SPHKAP: variants seen among roughly 807,000 people sequenced by gnomAD.
SPHKAP encodes the protein SPHK1 interactor, AKAP domain containing.
Under a neutral mutation model 137.5 loss-of-function variants are expected in SPHKAP, and 67 were observed. The observed-to-expected ratio is 0.49, with a 90% CI of 0.40 to 0.60. The LOEUF (loss-of-function observed/expected upper bound fraction) is 0.60, where lower values mean the gene tolerates loss of function less well. SPHKAP is among the 20% of genes least tolerant of loss of function. SPHKAP has a pLI of 0.00. For synonymous variants in SPHKAP, 813 were observed against 785.3 expected (o/e 1.04, Z -0.59); for missense variants, 2,097 against 2,069.3 (o/e 1.01, Z -0.26).
At chr2:228,009,949 T>C (rs2106195904) in intron 7 of SPHKAP, among the ~76,000 whole-genome samples, 1 of 152,302 alleles carries the variant, frequency 6.6e-6, no homozygotes, top group South Asian at 2.1e-4. Context: ...CATGGGGCTG[T>C]ACCTATAGAT....
intron 2 of SPHKAP, among the ~76,000 whole-genome samples, chr2:228,124,414 T>A (rs1490270991): frequency 6.6e-6 from 1 of 151,956 alleles, no homozygotes; most frequent in Non-Finnish European, 1.5e-5. Context: ...TAAAAAATGA[T>A]GAGTTCATGT....
chr2:228,144,921 T>C (rs1162288273), intron 1 of SPHKAP, among the ~76,000 whole-genome samples: 1 of 152,192 alleles, frequency 6.6e-6, no homozygotes, highest in Non-Finnish European at 1.5e-5. Context: ...AAGCCAAAGA[T>C]AACATCCCAC....
intron 3 of SPHKAP, among the ~76,000 whole-genome samples, chr2:228,048,457 A>G (rs573025921): frequency 3.3e-5 from 5 of 152,242 alleles, no homozygotes; most frequent in African/African-American, 1.2e-4. Context: ...CTTGACCTCT[A>G]AATTCTCTTC....
At chr2:228,052,299 G>A (rs533139287) in intron 3 of SPHKAP, among the ~76,000 whole-genome samples, 1 of 152,170 alleles carries the variant, frequency 6.6e-6, no homozygotes, top group East Asian at 1.9e-4. Flanking sequence ...AAATAGAGGG[G>A]ACAGAATGAA....
chr2:228,164,590 G>A (rs1574911624), intron 1 of SPHKAP, among the ~76,000 whole-genome samples: 1 of 152,284 alleles, frequency 6.6e-6, no homozygotes, highest in East Asian at 1.9e-4. Context: ...AGGGCTTCCA[G>A]CCACCTCTAC....
intron 1 of SPHKAP, among the ~76,000 whole-genome samples, chr2:228,162,324 G>T (rs181558444): frequency 6.6e-6 from 1 of 152,184 alleles, no homozygotes; most frequent in South Asian, 2.1e-4. Context: ...TTTATTAATA[G>T]TTAAATTTCA....
At chr2:227,985,245 T>C (rs757322926) in intron 11 of SPHKAP, among the ~76,000 whole-genome samples, 2 of 152,158 alleles carry the variant, frequency 1.3e-5, no homozygotes, top group Non-Finnish European at 2.9e-5. Flanking sequence ...TTAAAAATGG[T>C]CTGGCCCCAC....
Position 228,110,547 on chromosome 2 carries a change from A to G in SPHKAP, c.139-1608T>C, listed in dbSNP as rs528509867. Among the ~76,000 whole-genome samples, 42 of 152,316 alleles carry G rather than the reference A, an allele frequency of 2.8e-4. No homozygotes were observed. In the South Asian group the frequency reaches 8.5e-3, roughly 31 times the overall value. ...TTTTACCTAAACTGGTTCTTAAAGCATGGGCTAGGACCTATCAGGGTCCCT... is the reference window on the plus strand; with the variant it reads ...TTTTACCTAAACTGGTTCTTAAAGCGTGGGCTAGGACCTATCAGGGTCCCT... On this transcript the variant is annotated intron_variant, in intron 2 of 11. Coordinates refer to ENST00000392056, the MANE Select transcript of SPHKAP (RefSeq NM_001142644.2).
intron 3 of SPHKAP, among the ~76,000 whole-genome samples, chr2:228,032,373 G>A (rs1372595080): frequency 6.6e-6 from 1 of 152,114 alleles, no homozygotes; most frequent in Non-Finnish European, 1.5e-5. Flanking sequence ...AAGAAATATG[G>A]CATTATGTGA....
chr2:228,066,856 T>C (rs1696841967), intron 3 of SPHKAP, among the ~76,000 whole-genome samples: 1 of 152,254 alleles, frequency 6.6e-6, no homozygotes. Context: ...AGCATTCATT[T>C]AAACTAAGCT....
chr2:228,098,861 T>C (rs1052326823), intron 3 of SPHKAP, among the ~76,000 whole-genome samples: 3 of 152,158 alleles, frequency 2.0e-5, no homozygotes, highest in Non-Finnish European at 4.4e-5. Flanking sequence ...TTTGCTTGTT[T>C]ACTTTTTAAT....
In SPHKAP at chr2:228,108,834, A is replaced by G. The variant is rs1184336101; in HGVS notation, c.244T>C (p.Ser82Pro). 1.2e-6 allele frequency: 2 copies of G among 1,605,250 alleles called. No individual in the cohort carries two copies. Among genetic ancestry groups the G allele is most frequent in the Non-Finnish European group, 1.7e-6 (2 of 1,176,770 alleles). Residue 82 changes from serine to proline, a missense_variant and splice_region_variant, in exon 3 of 12, where the codon TCT (serine) becomes CCT (proline). Ser to Pro is a moderately conservative substitution (Grantham distance 74). Coordinates refer to ENST00000392056, the MANE Select transcript of SPHKAP (RefSeq NM_001142644.2). ...TCCCAAGAATTCTGTGTACTTACAGAAGCACAGTTTTCAGACTTGTCTTCT... is the reference window on the plus strand; with the variant it reads ...TCCCAAGAATTCTGTGTACTTACAGGAGCACAGTTTTCAGACTTGTCTTCT... The part of the protein sequence containing the change: ...FVEDKSENCA[S>P]VCFVNLDVNK...
chr2:228,173,849 A>G (rs1700657570), intron 1 of SPHKAP, among the ~76,000 whole-genome samples: 1 of 152,238 alleles, frequency 6.6e-6, no homozygotes, highest in Non-Finnish European at 1.5e-5. Context: ...TTGTACTTCA[A>G]AAACCATGGC....
intron 3 of SPHKAP, among the ~76,000 whole-genome samples, chr2:228,077,795 A>T (rs113034886): frequency 0.01 from 1,542 of 152,244 alleles, 31 homozygotes; most frequent in African/African-American, 0.035. Context: ...TGAGGACATG[A>T]GATTTAGGAA....
At chr2:228,179,053 T>C (rs776163940) in intron 1 of SPHKAP, among the ~76,000 whole-genome samples, 73 of 152,260 alleles carry the variant, frequency 4.8e-4, no homozygotes, top group Middle Eastern at 6.8e-3. Flanking sequence ...TGTGTTTAAT[T>C]GAAAATTCTA....
At chr2:228,172,082 T>C (rs989461719) in intron 1 of SPHKAP, among the ~76,000 whole-genome samples, 6 of 152,298 alleles carry the variant, frequency 3.9e-5, no homozygotes, top group African/African-American at 1.4e-4. Context: ...TATTTAAGAA[T>C]GTATAATATA....
chr2:228,145,381 T>A (rs1699744180), intron 1 of SPHKAP, among the ~76,000 whole-genome samples: 1 of 152,230 alleles, frequency 6.6e-6, no homozygotes, highest in African/African-American at 2.4e-5. Flanking sequence ...TTATGGGGAC[T>A]ATTTAGAAAA....
chr2:228,122,693 T>G (rs1053439567), intron 2 of SPHKAP, among the ~76,000 whole-genome samples: 1 of 152,348 alleles, frequency 6.6e-6, no homozygotes, highest in East Asian at 1.9e-4. Context: ...CTTGACCTGC[T>G]TTTGCTGAAG....
chr2:228,021,893 A>C lies in SPHKAP; in HGVS notation c.515T>G (p.Ile172Ser). 1 of 1,614,188 alleles carries C rather than the reference A, an allele frequency of 6.2e-7. No homozygotes were observed. Among genetic ancestry groups the C allele is most frequent in the African/African-American group, 1.3e-5 (1 of 75,062 alleles). ...GNRPNSTNCI[I>S]FEINKFLIGL... is the part of the protein sequence containing the mutation. ...AATCAGAAATTTGTTGATTTCAAAG[A>C]TGATGCAGTTGGTACTGTTTGGTCT... is the stretch of plus-strand genomic sequence containing the variant. Residue 172 changes from isoleucine (I) to serine (S), a missense_variant, in exon 6 of 12, where the codon ATC becomes AGC. Transcript: ENST00000392056.
Sources: allele counts gnomAD v4.1 joint callset (sites outside exome capture counted in the v4.1 genomes callset), GRCh38; gene constraint gnomAD v4.1.1; transcripts MANE v1.5; gene names NCBI Gene and HGNC (gene_info 2026-07-23, HGNC 2026-07-21).